Variants in ANKFN1 observed in about 807,000 individuals in gnomAD.
ANKFN1 encodes ankyrin repeat and fibronectin type III domain containing 1.
ANKFN1 carries 74 observed loss-of-function variants against 108.7 expected under a neutral mutation model. The ratio of observed to expected loss-of-function variants is 0.68; its 90% CI spans 0.56 to 0.83. The LOEUF (loss-of-function observed/expected upper bound fraction) is 0.83. Ranked by LOEUF, ANKFN1 falls within the 40% of genes least tolerant of loss-of-function variation. The pLI is 0.00. For missense variants in ANKFN1, 1,505 were observed against 1,382.3 expected, an observed-to-expected ratio of 1.09 and a Z score of -1.41; for synonymous variants, 547 against 516.2, an observed-to-expected ratio of 1.06 and a Z score of -0.81.
intron 3 of ANKFN1, among the ~76,000 whole-genome samples, chr17:56,302,200 TC>T (rs2044689245): frequency 6.6e-6 from 1 of 152,202 alleles, no homozygotes; most frequent in Non-Finnish European, 1.5e-5. Flanking sequence ...TGTGTAATCT[TC>T]TGGAATTCAA....
intron 1 of ANKFN1, among the ~76,000 whole-genome samples, chr17:56,204,309 G>A (rs1005717440): frequency 4.6e-5 from 7 of 150,994 alleles, no homozygotes; most frequent in Non-Finnish European, 1.0e-4. Flanking sequence ...GGCCTCCCAA[G>A]TGCTGGGATT....
rs1283379492 is a variant in ANKFN1, at chr17:56,510,921, G to A, written c.3093G>A (p.Glu1031=). The change falls in exon 21 of 21, where the codon GAG becomes GAA. Residue 1031 remains glutamate, a synonymous_variant. Transcript: ENST00000682825. ...AGACCCAGTCGCTATCGCTCTCTGA[G>A]GGCATTTATACACAGCACCTGTCCC... ...HSETQSLSLS[E]GIYTQHLSQA... 1 of 1,536,164 alleles carries A rather than the reference G, an allele frequency of 6.5e-7. No individual in the cohort carries two copies. Among genetic ancestry groups the A allele is most frequent in the Admixed American group, 2.0e-5 (1 of 51,012 alleles).
chr17:56,453,739 T>C (rs968435717), intron 11 of ANKFN1, among the ~76,000 whole-genome samples: 10 of 152,198 alleles, frequency 6.6e-5, no homozygotes, highest in African/African-American at 2.4e-4. Context: ...GGTGTATTTA[T>C]TCTACTTAAC....
At chr17:56,131,314 AT>A in intron 4 of ANKFN1, among the ~76,000 whole-genome samples, 1 of 152,288 alleles carries the variant, frequency 6.6e-6, no homozygotes, top group Middle Eastern at 3.4e-3. Flanking sequence ...AATGGAGAAT[AT>A]TCAGGAGGTT....
At chr17:56,375,016 G>A (rs2046908704) in intron 8 of ANKFN1, among the ~76,000 whole-genome samples, 1 of 152,198 alleles carries the variant, frequency 6.6e-6, no homozygotes, top group South Asian at 2.1e-4. Flanking sequence ...ACAGGCCTGA[G>A]TAGGAAACAC....
chr17:56,127,407 A>C (rs1598116227), intron 4 of ANKFN1, among the ~76,000 whole-genome samples: 1 of 152,082 alleles, frequency 6.6e-6, no homozygotes, highest in Non-Finnish European at 1.5e-5. Flanking sequence ...TCCACCTCCC[A>C]GGTTCAAGCT....
intron 3 of ANKFN1, among the ~76,000 whole-genome samples, chr17:56,320,073 C>T (rs778291704): frequency 4.6e-5 from 7 of 152,244 alleles, no homozygotes; most frequent in Non-Finnish European, 7.4e-5. Flanking sequence ...ACCTGAGTTT[C>T]CTCATCGATA....
chr17:56,295,225 G>A (rs1024680138), intron 3 of ANKFN1, among the ~76,000 whole-genome samples: 3 of 152,124 alleles, frequency 2.0e-5, no homozygotes, highest in African/African-American at 4.8e-5. Context: ...TTCTTGAGAC[G>A]GTCATCCTTT....
At chr17:56,285,930 T>A (rs2044205011) in intron 3 of ANKFN1, among the ~76,000 whole-genome samples, 1 of 152,128 alleles carries the variant, frequency 6.6e-6, no homozygotes, top group Non-Finnish European at 1.5e-5. Context: ...AATTTTAGTT[T>A]ACCCAGGACA....
At chr17:56,219,870 T>C (rs1467326827) in intron 2 of ANKFN1, among the ~76,000 whole-genome samples, 1 of 152,228 alleles carries the variant, frequency 6.6e-6, no homozygotes, top group Non-Finnish European at 1.5e-5. Context: ...GCAGTTTCAT[T>C]AAAGGTATTA....
chr17:56,234,886 T>C (rs1479527993), intron 3 of ANKFN1, among the ~76,000 whole-genome samples: 2 of 152,210 alleles, frequency 1.3e-5, no homozygotes, highest in African/African-American at 4.8e-5. Context: ...GATTGCTGCG[T>C]TGAATGGTAG....
intron 3 of ANKFN1, among the ~76,000 whole-genome samples, chr17:56,297,311 G>A (rs968740241): frequency 1.3e-5 from 2 of 152,176 alleles, no homozygotes; most frequent in Non-Finnish European, 2.9e-5. Flanking sequence ...CGCTAAGGGC[G>A]GAAACCACTG....
In ANKFN1 at chr17:56,088,600, C is replaced by T. The variant is rs994392990; in HGVS notation, c.288+42275C>T. Reference sequence around the variant, plus strand: ...CTGCATAGGCCCTGTCTCCAGCCTCCACTCTCATCTCCTCTCCCCTCCCCA... The same window carrying T: ...CTGCATAGGCCCTGTCTCCAGCCTCTACTCTCATCTCCTCTCCCCTCCCCA... On this transcript the variant is annotated intron_variant, in intron 4 of 12. Coordinates refer to the ANKFN1 transcript ENST00000635860. Among the ~76,000 whole-genome samples, 2 of 150,922 alleles carry T rather than the reference C, an allele frequency of 1.3e-5. 1 individual carries two copies. Among genetic ancestry groups the T allele is most frequent in the Non-Finnish European group, 3.0e-5 (2 of 67,574 alleles).
chr17:56,263,476 C>T (rs2043572812), intron 3 of ANKFN1, among the ~76,000 whole-genome samples: 1 of 152,182 alleles, frequency 6.6e-6, no homozygotes, highest in African/African-American at 2.4e-5. Flanking sequence ...ATAAATATAG[C>T]TGCATAAGCA....
At chr17:56,463,964 A>T (rs1243811297) in intron 14 of ANKFN1, 1 of 152,158 alleles carries the variant, frequency 6.6e-6, no homozygotes, top group Admixed American at 6.5e-5. Context: ...ACCTAGATGC[A>T]TTCCTGTTAG....
chr17:56,164,243 C>G (rs1331416953), intron 1 of ANKFN1, among the ~76,000 whole-genome samples: 1 of 152,180 alleles, frequency 6.6e-6, no homozygotes, highest in Non-Finnish European at 1.5e-5. Flanking sequence ...TCCTCTACAC[C>G]TAGATGACTT....
chr17:56,198,615 A>G (rs934554242), intron 1 of ANKFN1, among the ~76,000 whole-genome samples: 10 of 152,136 alleles, frequency 6.6e-5, no homozygotes, highest in African/African-American at 2.2e-4. Flanking sequence ...TTTTATTTCC[A>G]CATTTCACTC....
At chr17:56,399,429 A>G (rs1421232485) in intron 8 of ANKFN1, among the ~76,000 whole-genome samples, 1 of 147,404 alleles carries the variant, frequency 6.8e-6, no homozygotes, top group Non-Finnish European at 1.5e-5. Context: ...ACACAGGCTC[A>G]TTTTTTTTTT....
chr17:56,310,006 C>T (rs1045789919), intron 3 of ANKFN1, among the ~76,000 whole-genome samples: 5 of 152,082 alleles, frequency 3.3e-5, no homozygotes, highest in South Asian at 2.1e-4. Flanking sequence ...GAGGATCATC[C>T]GCTTCACATG....
Sources: gnomAD v4.1 joint callset for allele counts (sites outside exome capture counted in the v4.1 genomes callset) on GRCh38, gnomAD v4.1.1 for gene constraint, MANE v1.5 for transcripts, NCBI Gene and HGNC (gene_info 2026-07-23, HGNC 2026-07-21) for gene names.